Variants in KCNIP4 observed in about 807,000 individuals in gnomAD.
KCNIP4 encodes potassium voltage-gated channel interacting protein 4.
KCNIP4 carries 12 observed loss-of-function variants against 34.0 expected under a neutral mutation model. That is an observed-to-expected ratio of 0.35 (90% CI 0.23 to 0.57). The LOEUF (loss-of-function observed/expected upper bound fraction) is 0.57. KCNIP4 is among the 20% of genes least tolerant of loss of function. The pLI, the probability that KCNIP4 is intolerant of heterozygous loss-of-function variation, is 0.83. For missense variants in KCNIP4, 238 were observed against 311.7 expected, an observed-to-expected ratio of 0.76 and a Z score of 1.78; for synonymous variants, 124 against 102.2, an observed-to-expected ratio of 1.21 and a Z score of -1.29.
At chr4:21,931,365 C>A (rs28608907) in intron 1 of KCNIP4, among the ~76,000 whole-genome samples, 37,508 of 148,098 alleles carry the variant, frequency 0.25, 5,659 homozygotes, top group East Asian at 0.61. Flanking sequence ...TGTGCTGCAC[C>A]CATTAACTCA....
intron 1 of KCNIP4, among the ~76,000 whole-genome samples, chr4:21,215,456 C>T (rs1757489863): frequency 6.6e-6 from 1 of 152,148 alleles, no homozygotes; most frequent in South Asian, 2.1e-4. Flanking sequence ...CTTCTTTATC[C>T]TTTGAAACTC....
Position 21,114,076 on chromosome 4 carries a change from GT to G in KCNIP4, c.62-231368del, listed in dbSNP as rs147219061. On this transcript the variant is annotated intron_variant, in intron 1 of 8. Transcript: ENST00000382152. ...TAGCCTGTTTCCTATCCCTGATTCA[GT>G]CTTATCAGAGCTGTCCCATAATCTG... Among the ~76,000 whole-genome samples the G allele has an allele frequency of 5.3e-3, 809 of 152,258 alleles. 5 individuals are homozygous for G. Among genetic ancestry groups the G allele is most frequent in the African/African-American group, 0.017 (716 of 41,548 alleles).
At chr4:21,792,677 G>T (rs1228009435) in intron 1 of KCNIP4, among the ~76,000 whole-genome samples, 1 of 152,192 alleles carries the variant, frequency 6.6e-6, no homozygotes, top group Non-Finnish European at 1.5e-5. Flanking sequence ...GAGGCCAGCA[G>T]ACAGAAAAGC....
rs896219275 is a variant in KCNIP4 at position 21,456,627 on chromosome 4, A to C, written c.61+491944T>G. The stretch of plus-strand genomic sequence containing the variant: ...TAAACATTTTAAAATGCATGTCTTA[A>C]GGAAATGTTTGAATCAACATCTAAG... On this transcript the variant is annotated intron_variant, in intron 1 of 8. Transcript: ENST00000382152. 3.4e-5 allele frequency among the ~76,000 whole-genome samples: 5 copies of C among 147,964 alleles called. 2 individuals are homozygous for C. The highest frequency in any genetic ancestry group is 1.3e-4 in the African/African-American group (5 of 38,032).
At position 21,528,444 on chromosome 4, in the gene KCNIP4, G is replaced by A. The variant is rs2045666; in HGVS notation, c.61+420127C>T. Among the ~76,000 whole-genome samples, 935 of 151,982 alleles carry A rather than the reference G, an allele frequency of 6.2e-3. 13 individuals are homozygous for A. Among genetic ancestry groups the A allele is most frequent in the African/African-American group, 0.021 (867 of 41,412 alleles). On this transcript the variant is annotated intron_variant, in intron 1 of 8. Coordinates refer to ENST00000382152, the MANE Select transcript of KCNIP4 (RefSeq NM_025221.6). ...AGCACTTTGGGAGGCCGATGCGGGT[G>A]TATCACGAGGTCAGGAGTTTGAGAG...
At chr4:21,106,374 T>G (rs1748535007) in intron 1 of KCNIP4, among the ~76,000 whole-genome samples, 1 of 151,802 alleles carries the variant, frequency 6.6e-6, no homozygotes, top group African/African-American at 2.4e-5. Context: ...GATTTTCTAG[T>G]TTATTTGCGT....
intron 3 of KCNIP4, among the ~76,000 whole-genome samples, chr4:20,788,611 A>G (rs1289631219): frequency 1.3e-5 from 2 of 152,202 alleles, no homozygotes; most frequent in Non-Finnish European, 2.9e-5. Context: ...ATAAATGGTT[A>G]TAAATAGTCC....
chr4:21,137,871 C>CTTTTTTTTTT lies in KCNIP4; in HGVS notation c.62-255163_62-255162insAAAAAAAAAA, dbSNP rs144440285. On this transcript the variant is annotated intron_variant, in intron 1 of 8. Coordinates refer to ENST00000382152, the MANE Select transcript of KCNIP4 (RefSeq NM_025221.6). ...ATGAAGGCTTTTTCCCTTACACAGG[C>CTTTTTTTTTT]TTTTTTGTTTTTTTTTTTTTGATGG... Among the ~76,000 whole-genome samples, 1,110 of 117,748 alleles carry CTTTTTTTTTT rather than the reference C, an allele frequency of 9.4e-3. 103 individuals are homozygous for CTTTTTTTTTT. The highest frequency in any genetic ancestry group is 0.016 in the African/African-American group (434 of 27,968). 77.2% of individuals were successfully genotyped at this position (117,748 alleles called of 152,430 possible). A position where few individuals can be genotyped will look rare whatever the true frequency, so the allele number is the denominator to read the frequency against.
chr4:20,948,471 C>T (rs73097739), intron 1 of KCNIP4, among the ~76,000 whole-genome samples: 13,951 of 152,196 alleles, frequency 0.092, 724 homozygotes, highest in African/African-American at 0.12. Flanking sequence ...GGCTCTTATC[C>T]GGGAGAGGAG....
intron 5 of KCNIP4, among the ~76,000 whole-genome samples, chr4:20,748,226 G>A (rs1350358207): frequency 1.3e-5 from 2 of 151,960 alleles, no homozygotes; most frequent in African/African-American, 4.8e-5. Context: ...CTTCGCTCTT[G>A]GCTCTCCAAT....
chr4:20,830,623 G>A lies in KCNIP4; in HGVS notation c.288+19920C>T, dbSNP rs1718306098. ...CTTTTTGGTATTTTATAATTACTCTGCCAAAAAATGACATGCATACACTAG... is the reference window on the plus strand; with the variant it reads ...CTTTTTGGTATTTTATAATTACTCTACCAAAAAATGACATGCATACACTAG... On this transcript the variant is annotated intron_variant, in intron 3 of 8. Transcript: ENST00000382152. 2.0e-5 allele frequency among the ~76,000 whole-genome samples: 3 copies of A among 152,012 alleles called. No individual in the cohort carries two copies. The South Asian group carries it at 6.2e-4, about 32-fold the overall frequency.
chr4:21,399,943 A>G (rs1456365627), intron 1 of KCNIP4, among the ~76,000 whole-genome samples: 2 of 152,184 alleles, frequency 1.3e-5, no homozygotes, highest in African/African-American at 4.8e-5. Context: ...AGAAGTAGTA[A>G]GGTGTTGTAT....
intron 1 of KCNIP4, among the ~76,000 whole-genome samples, chr4:21,434,285 C>T (rs1000689655): frequency 6.6e-6 from 1 of 152,118 alleles, no homozygotes; most frequent in African/African-American, 2.4e-5. Context: ...ACCTGAAAGA[C>T]AGTATAAACC....
chr4:21,036,641 G>A (rs1577574641), intron 1 of KCNIP4, among the ~76,000 whole-genome samples: 1 of 152,210 alleles, frequency 6.6e-6, no homozygotes, highest in Non-Finnish European at 1.5e-5. Flanking sequence ...CAGTACAATT[G>A]CTTGAATTGG....
At chr4:21,496,850 G>A (rs1732889637) in intron 1 of KCNIP4, among the ~76,000 whole-genome samples, 1 of 152,170 alleles carries the variant, frequency 6.6e-6, no homozygotes, top group Non-Finnish European at 1.5e-5. Flanking sequence ...TCTAATGCCT[G>A]ATGATCTGAG....
chr4:20,818,738 T>C (rs773869449), intron 3 of KCNIP4, among the ~76,000 whole-genome samples: 3 of 152,114 alleles, frequency 2.0e-5, no homozygotes, highest in Admixed American at 6.6e-5. Flanking sequence ...TAATGTACTA[T>C]AGATAAAAGA....
chr4:21,886,526 G>T (rs773785236), intron 1 of KCNIP4, among the ~76,000 whole-genome samples: 1 of 152,084 alleles, frequency 6.6e-6, no homozygotes, highest in Non-Finnish European at 1.5e-5. Context: ...ATGGGTTTCT[G>T]CCAGCACCAG....
chr4:21,120,575 A>C (rs1279761540), intron 1 of KCNIP4, among the ~76,000 whole-genome samples: 1 of 152,246 alleles, frequency 6.6e-6, no homozygotes, highest in Non-Finnish European at 1.5e-5. Context: ...TGCACATCTT[A>C]CGTGGTGACA....
intron 1 of KCNIP4, among the ~76,000 whole-genome samples, chr4:21,840,333 G>A (rs111424923): frequency 0.02 from 3,098 of 151,982 alleles, 111 homozygotes; most frequent in African/African-American, 0.07. Context: ...GTCTTCCACC[G>A]TAGACGACGT....
Sources: gnomAD v4.1 joint callset for allele counts (sites outside exome capture counted in the v4.1 genomes callset) on GRCh38, gnomAD v4.1.1 for gene constraint, MANE v1.5 for transcripts, NCBI Gene and HGNC (gene_info 2026-07-23, HGNC 2026-07-21) for gene names.